The following USPL1 variants were observed in gnomAD, a reference collection of about 807,000 sequenced individuals.
USPL1 encodes ubiquitin specific peptidase like 1.
A neutral mutation model predicts 51.5 loss-of-function variants in USPL1; 27 were observed. The ratio of observed to expected loss-of-function variants is 0.52; its 90% confidence interval spans 0.39 to 0.72. The LOEUF (loss-of-function observed/expected upper bound fraction) is 0.72, where lower values mean the gene tolerates loss of function less well. Ranked by LOEUF, USPL1 falls within the 30% of genes least tolerant of loss-of-function variation. USPL1 has a pLI of 0.00. For synonymous variants in USPL1, 451 were observed against 459.6 expected, an observed-to-expected ratio of 0.98 and a Z score of 0.24; for missense variants, 1,226 against 1,268.0, an observed-to-expected ratio of 0.97 and a Z score of 0.50.
intron 8 of USPL1, among the ~76,000 whole-genome samples, chr13:30,655,188 C>A (rs1269054901): frequency 6.6e-6 from 1 of 152,216 alleles, no homozygotes; most frequent in Non-Finnish European, 1.5e-5. Flanking sequence ...CCACCCGCCT[C>A]GGCCTCCCGA....
At chr13:30,654,540 A>G (rs981863730) in intron 8 of USPL1, among the ~76,000 whole-genome samples, 11 of 152,046 alleles carry the variant, frequency 7.2e-5, no homozygotes, top group African/African-American at 2.7e-4. Flanking sequence ...TGTTTTAAAC[A>G]TTGTTTTCAA....
Position 30,659,366 on chromosome 13 carries a change from T to G in USPL1, c.*10T>G. 2 of 1,552,024 alleles carry G rather than the reference T, an allele frequency of 1.3e-6. No individual in the cohort carries two copies. The highest frequency in any genetic ancestry group is 1.7e-6 in the Non-Finnish European group (2 of 1,153,436). On this transcript the variant is annotated 3_prime_UTR_variant, in exon 9 of 9. Coordinates refer to ENST00000255304, the MANE Select transcript of USPL1 (RefSeq NM_005800.5). ...GTTTGAGAATTATTGAATTAATGCT[T>G]GTTAACTTTTTTCATATAATATTTA...
intron 4 of USPL1, among the ~76,000 whole-genome samples, chr13:30,632,739 CTG>C (rs989214313): frequency 6.6e-6 from 1 of 152,020 alleles, no homozygotes; most frequent in Non-Finnish European, 1.5e-5. Flanking sequence ...AACTCTAAGA[CTG>C]TGCTTGTGTC....
In USPL1 at chr13:30,653,227, G is replaced by C; in HGVS notation, c.1318G>C (p.Gly440Arg). Residue 440 changes from glycine (G) to arginine (R), a missense_variant, in exon 8 of 9, where the codon GGC (glycine) becomes CGC (arginine). Physicochemically the swap from Gly to Arg is moderately radical, Grantham distance 125 (BLOSUM62 -2). Transcript: ENST00000255304. ...DLQHYAFHFE[G>R]CLYQITSVIQ... ...GCAGCACTATGCATTTCATTTTGAA[G>C]GCTGTCTTTATCAGATAACTTCTGT... 6.2e-7 allele frequency: 1 copy of C among 1,613,146 alleles called. No individual in the cohort carries two copies. The highest frequency in any genetic ancestry group is 1.3e-5 in the African/African-American group (1 of 74,994).
At chr13:30,635,884 T>A (rs1428691044) in intron 4 of USPL1, among the ~76,000 whole-genome samples, 1 of 152,202 alleles carries the variant, frequency 6.6e-6, no homozygotes, top group Admixed American at 6.5e-5. Context: ...AATATGAATA[T>A]TAAAGGTCTT....
intron 7 of USPL1, among the ~76,000 whole-genome samples, chr13:30,649,859 T>C (rs1951065707): frequency 6.6e-6 from 1 of 152,232 alleles, no homozygotes; most frequent in African/African-American, 2.4e-5. Flanking sequence ...CAAATGGATC[T>C]TAGCCTGATG....
chr13:30,656,563 A>G (rs1951167062), intron 8 of USPL1, among the ~76,000 whole-genome samples: 1 of 152,192 alleles, frequency 6.6e-6, no homozygotes. Context: ...GCTGAGTAGC[A>G]TTGTATGTAT....
intron 8 of USPL1, among the ~76,000 whole-genome samples, chr13:30,656,953 C>CCCTCT (rs1249606561): frequency 6.6e-6 from 1 of 151,886 alleles, no homozygotes; most frequent in Non-Finnish European, 1.5e-5. Flanking sequence ...ACATAAGGAC[C>CCCTCT]CCTCTCCCTA....
intron 3 of USPL1, among the ~76,000 whole-genome samples, chr13:30,625,259 T>C (rs1482341477): frequency 1.3e-5 from 2 of 152,036 alleles, no homozygotes; most frequent in Non-Finnish European, 2.9e-5. Flanking sequence ...AGTTCCAAGA[T>C]TTTTGGCTTG....
chr13:30,648,821 G>A (rs1382782828), intron 7 of USPL1, among the ~76,000 whole-genome samples: 1 of 152,094 alleles, frequency 6.6e-6, no homozygotes, highest in Non-Finnish European at 1.5e-5. Flanking sequence ...AATCTGTCTT[G>A]GCTGCCAGGT....
chr13:30,624,283 A>G (rs539605883), intron 3 of USPL1, among the ~76,000 whole-genome samples: 1 of 152,278 alleles, frequency 6.6e-6, no homozygotes, highest in Admixed American at 6.5e-5. Context: ...GAAAATTGTC[A>G]TAATCAAAAT....
Position 30,621,755 on chromosome 13 carries a change from C to G in USPL1, c.100-9C>G. On this transcript the variant is annotated splice_polypyrimidine_tract_variant and intron_variant, in intron 2 of 8. Transcript: ENST00000255304. ...GTCTATATTTTAATTTGCTTTATTT[C>G]TCTTTTAGAATTTTGATTCAGCTAA... 1 of 1,456,956 alleles carries G rather than the reference C, an allele frequency of 6.9e-7. No individual in the cohort carries two copies. The highest frequency in any genetic ancestry group is 9.1e-7 in the Non-Finnish European group (1 of 1,104,722). The allele number at this position is 1,456,956 out of a possible 1,614,324, so 90.3% of individuals were successfully genotyped here.
Position 30,646,973 on chromosome 13 carries a change from A to G in USPL1, c.1154A>G (p.Glu385Gly). ...SLVTFTNVIP[E>G]WHPLNAAHFG... Reference sequence around the variant, plus strand: ...GTCACCTTTACAAATGTCATCCCTGAGTGGCACCCACTTAATGCTGCCCAT... The same window carrying G: ...GTCACCTTTACAAATGTCATCCCTGGGTGGCACCCACTTAATGCTGCCCAT... Residue 385 changes from glutamate (E) to glycine (G), a missense_variant, in exon 7 of 9, where the codon GAG (glutamate) becomes GGG (glycine). Coordinates refer to ENST00000255304, the MANE Select transcript of USPL1 (RefSeq NM_005800.5). 1 of 1,614,104 alleles carries G rather than the reference A, an allele frequency of 6.2e-7. No homozygotes were observed. The highest frequency in any genetic ancestry group is 8.5e-7 in the Non-Finnish European group (1 of 1,179,992).
chr13:30,627,359 A>C (rs1277166613), intron 3 of USPL1, among the ~76,000 whole-genome samples: 3 of 152,198 alleles, frequency 2.0e-5, no homozygotes, highest in African/African-American at 7.2e-5. Flanking sequence ...TCATTAATTT[A>C]TAAGGGAAAA....
chr13:30,637,902 A>G lies in USPL1; in HGVS notation c.982+45A>G, dbSNP rs550799082. On this transcript the variant is annotated intron_variant, in intron 5 of 8. Coordinates refer to ENST00000255304, the MANE Select transcript of USPL1 (RefSeq NM_005800.5). ...TACTTGTATTATACTCATCTACCAT[A>G]TAGAAATATGTACCTCATAAGGAAA... is the stretch of plus-strand genomic sequence containing the variant. 7.2e-5 allele frequency: 96 copies of G among 1,338,858 alleles called. No homozygotes were observed. The South Asian group carries it at 1.1e-3, about 15-fold the overall frequency. The allele number at this position is 1,338,858 out of a possible 1,614,324, so 82.9% of individuals were successfully genotyped here. A position where few individuals can be genotyped will look rare whatever the true frequency, so the allele number is the denominator to read the frequency against.
chr13:30,627,249 G>C (rs2137620806), intron 3 of USPL1, among the ~76,000 whole-genome samples: 1 of 152,142 alleles, frequency 6.6e-6, no homozygotes, highest in East Asian at 1.9e-4. Flanking sequence ...CATGTTCACT[G>C]TAAATAGAAA....
At chr13:30,640,057 G>C (rs1950926719) in intron 5 of USPL1, among the ~76,000 whole-genome samples, 1 of 152,164 alleles carries the variant, frequency 6.6e-6, no homozygotes, top group Admixed American at 6.5e-5. Context: ...TTGTTTTACT[G>C]CCCATTCAAG....
At chr13:30,644,152 G>A (rs993301825) in intron 6 of USPL1, among the ~76,000 whole-genome samples, 4 of 151,556 alleles carry the variant, frequency 2.6e-5, no homozygotes, top group Non-Finnish European at 5.9e-5. Context: ...GCATGATGGC[G>A]GACACCTGTA....
At chr13:30,621,646 G>A (rs1950648290) in intron 2 of USPL1, 118 bp from the exon 3 acceptor site, 2 of 777,178 alleles carry the variant, frequency 2.6e-6, no homozygotes, top group Non-Finnish European at 3.6e-6. Context: ...AAAATACCTT[G>A]TCAGGATACT....
Sources: allele counts gnomAD v4.1 joint callset (sites outside exome capture counted in the v4.1 genomes callset), GRCh38; gene constraint gnomAD v4.1.1; transcripts MANE v1.5; gene names NCBI Gene and HGNC (gene_info 2026-07-23, HGNC 2026-07-21).